The following STAG1 variants were observed in gnomAD, a reference collection of about 807,000 sequenced individuals.
The protein encoded by STAG1 is cohesin subunit SA-1.
Under a neutral mutation model 170.9 loss-of-function variants are expected in STAG1, and 26 were observed. The ratio of observed to expected loss-of-function variants is 0.15; its 90% CI spans 0.11 to 0.21. The LOEUF (loss-of-function observed/expected upper bound fraction) is 0.21, where lower values mean the gene tolerates loss of function less well. Among genes scored for constraint, STAG1 ranks in the 10% least tolerant of loss-of-function variants. The pLI is 1.00. For synonymous variants in STAG1, 514 were observed against 497.7 expected, an observed-to-expected ratio of 1.03 and a Z score of -0.44; for missense variants, 964 against 1,509.5, an observed-to-expected ratio of 0.64 and a Z score of 5.99.
At chr3:136,363,315 G>A (rs1013839468) in intron 26 of STAG1, 51 bp downstream of exon 26, 3 of 940,538 alleles carry the variant, frequency 3.2e-6, no homozygotes, top group Non-Finnish European at 3.4e-6. Context: ...GCACAGAGAA[G>A]TGCAATAATG....
intron 23 of STAG1, among the ~76,000 whole-genome samples, chr3:136,377,242 C>T (rs1937647842): frequency 2.0e-5 from 3 of 149,066 alleles, no homozygotes; most frequent in Non-Finnish European, 4.5e-5. Flanking sequence ...AAAAAATTAG[C>T]TGGGCGCAGT....
At chr3:136,348,572 A>T (rs1483662671) in intron 29 of STAG1, among the ~76,000 whole-genome samples, 6 of 150,226 alleles carry the variant, frequency 4.0e-5, no homozygotes, top group East Asian at 3.9e-4. Flanking sequence ...CCCATTTAAA[A>T]TTTTTTTTTT....
chr3:136,542,708 T>C (rs1935967221), intron 5 of STAG1, among the ~76,000 whole-genome samples: 1 of 151,148 alleles, frequency 6.6e-6, no homozygotes, highest in Non-Finnish European at 1.5e-5. Flanking sequence ...TATATGCTCA[T>C]AAAGATCAGA....
chr3:136,385,417 G>A (rs1200756887), intron 22 of STAG1, among the ~76,000 whole-genome samples: 1 of 152,206 alleles, frequency 6.6e-6, no homozygotes, highest in East Asian at 1.9e-4. Flanking sequence ...TCTGGCCTGA[G>A]CAATAGAGTG....
intron 1 of STAG1, among the ~76,000 whole-genome samples, chr3:136,734,200 G>A (rs1934209034): frequency 6.6e-6 from 1 of 151,860 alleles, no homozygotes; most frequent in Admixed American, 6.6e-5. Flanking sequence ...AAAGAATAGG[G>A]GCTGACTACC....
intron 22 of STAG1, among the ~76,000 whole-genome samples, chr3:136,391,228 A>C (rs2087000605): frequency 6.6e-6 from 1 of 152,174 alleles, no homozygotes; most frequent in Non-Finnish European, 1.5e-5. Context: ...CTAGAATAGA[A>C]ACATGCAGGG....
chr3:136,535,816 G>A (rs961092089), intron 6 of STAG1, among the ~76,000 whole-genome samples: 8 of 152,080 alleles, frequency 5.3e-5, no homozygotes, highest in African/African-American at 1.9e-4. Flanking sequence ...ATATTCACAT[G>A]TACCCCATAA....
At chr3:136,373,635 C>T (rs193106217) in intron 23 of STAG1, among the ~76,000 whole-genome samples, 1 of 152,102 alleles carries the variant, frequency 6.6e-6, no homozygotes, top group Non-Finnish European at 1.5e-5. Context: ...GCAGGTTGTT[C>T]GGTTTCCATG....
At chr3:136,386,535 T>A (rs1422610806) in intron 22 of STAG1, among the ~76,000 whole-genome samples, 7 of 152,182 alleles carry the variant, frequency 4.6e-5, no homozygotes, top group African/African-American at 1.4e-4. Flanking sequence ...GACTGACCCA[T>A]AACAGCAAAC....
chr3:136,590,593 A>G (rs1047979691), intron 4 of STAG1, among the ~76,000 whole-genome samples: 1 of 152,202 alleles, frequency 6.6e-6, no homozygotes, highest in Non-Finnish European at 1.5e-5. Context: ...GAATAACCTA[A>G]AAGTTACTCA....
chr3:136,652,814 C>T (rs1239746073), intron 1 of STAG1, among the ~76,000 whole-genome samples: 1 of 152,172 alleles, frequency 6.6e-6, no homozygotes, highest in Non-Finnish European at 1.5e-5. Flanking sequence ...GTTTCTCAAC[C>T]TCGGCATTAT....
At chr3:136,717,613 G>A (rs1943575926) in intron 1 of STAG1, among the ~76,000 whole-genome samples, 1 of 152,132 alleles carries the variant, frequency 6.6e-6, no homozygotes. Flanking sequence ...GCAGTGAGCG[G>A]AGATCGTGCC....
intron 3 of STAG1, among the ~76,000 whole-genome samples, chr3:136,614,156 C>T (rs1939459808): frequency 6.6e-6 from 1 of 152,162 alleles, no homozygotes; most frequent in Admixed American, 6.5e-5. Context: ...GCGGAGGTTG[C>T]AGTGAGCCAA....
At chr3:136,600,753 T>C (rs1559901972) in intron 4 of STAG1, among the ~76,000 whole-genome samples, 1 of 152,188 alleles carries the variant, frequency 6.6e-6, no homozygotes, top group Non-Finnish European at 1.5e-5. Flanking sequence ...CAGGGTGGTC[T>C]CAAACTCCTG....
chr3:136,725,426 T>C (rs1002651617), intron 1 of STAG1, among the ~76,000 whole-genome samples: 1 of 152,190 alleles, frequency 6.6e-6, no homozygotes, highest in Non-Finnish European at 1.5e-5. Context: ...GCTTTCAAAA[T>C]ACTACTCTAC....
At chr3:136,405,488 T>G (rs1260531600) in intron 21 of STAG1, among the ~76,000 whole-genome samples, 1 of 151,786 alleles carries the variant, frequency 6.6e-6, no homozygotes, top group Non-Finnish European at 1.5e-5. Flanking sequence ...ACGATCTGCC[T>G]GTATCGACCT....
chr3:136,482,071 A>T, intron 9 of STAG1, among the ~76,000 whole-genome samples: 1 of 23,768 alleles, frequency 4.2e-5, no homozygotes, highest in Admixed American at 5.3e-4. Flanking sequence ...TTGTGTCTCT[A>T]TTTCCTTCAG....
chr3:136,581,775 AT>A (rs904048810), intron 4 of STAG1, among the ~76,000 whole-genome samples: 12 of 152,254 alleles, frequency 7.9e-5, no homozygotes, highest in East Asian at 3.9e-4. Context: ...AAAAAATGGA[AT>A]TTTTTTATGG....
intron 1 of STAG1, among the ~76,000 whole-genome samples, chr3:136,649,674 G>C (rs1366717338): frequency 1.3e-5 from 2 of 151,966 alleles, no homozygotes; most frequent in Non-Finnish European, 2.9e-5. Flanking sequence ...CCAGCACTTT[G>C]GGAGGATGTG....
Sources: gnomAD v4.1 joint callset for allele counts (sites outside exome capture counted in the v4.1 genomes callset) on GRCh38, gnomAD v4.1.1 for gene constraint, MANE v1.5 for transcripts, NCBI Gene and HGNC (gene_info 2026-07-23, HGNC 2026-07-21) for gene names.